The following CLYBL variants were observed in gnomAD, a reference collection of about 807,000 sequenced individuals.
CLYBL encodes citramalyl-CoA lyase, mitochondrial.
A neutral mutation model predicts 38.9 loss-of-function variants in CLYBL; 31 were observed. The ratio of observed to expected loss-of-function variants is 0.80; its 90% CI spans 0.60 to 1.08. The LOEUF (loss-of-function observed/expected upper bound fraction) is 1.08, where lower values mean the gene tolerates loss of function less well. Among genes scored for constraint, CLYBL ranks in the 50% least tolerant of loss-of-function variants. CLYBL has a pLI of 0.00. For synonymous variants in CLYBL, 171 were observed against 158.6 expected (o/e 1.08, Z -0.59); for missense variants, 434 against 411.6 (o/e 1.05, Z -0.47).
At chr13:99,814,709 C>T (rs1193893021) in intron 2 of CLYBL, among the ~76,000 whole-genome samples, 1 of 135,254 alleles carries the variant, frequency 7.4e-6, no homozygotes. Flanking sequence ...GACTGGGCAA[C>T]AGAACAAGAC....
intron 2 of CLYBL, among the ~76,000 whole-genome samples, chr13:99,837,970 G>C (rs2050978485): frequency 6.6e-6 from 1 of 152,076 alleles, no homozygotes; most frequent in African/African-American, 2.4e-5. Context: ...TGATATCTCT[G>C]GTTTTCCCTC....
intron 7 of CLYBL, among the ~76,000 whole-genome samples, chr13:99,879,856 G>GT (rs2052149430): frequency 1.3e-5 from 2 of 151,996 alleles, no homozygotes; most frequent in Admixed American, 1.3e-4. Flanking sequence ...AGCAATACCA[G>GT]TAGCAATGGT....
At chr13:99,750,332 C>A (rs2048931653) in intron 1 of CLYBL, among the ~76,000 whole-genome samples, 1 of 152,116 alleles carries the variant, frequency 6.6e-6, no homozygotes, top group Admixed American at 6.6e-5. Context: ...CCCTTAGAGT[C>A]AAAATCTCTT....
At chr13:99,782,546 G>T (rs1466743844) in intron 2 of CLYBL, among the ~76,000 whole-genome samples, 1 of 152,004 alleles carries the variant, frequency 6.6e-6, no homozygotes, top group African/African-American at 2.4e-5. Flanking sequence ...TCAAAGGATG[G>T]GTACCTTGTT....
chr13:99,802,739 G>A (rs2050159768), intron 2 of CLYBL, among the ~76,000 whole-genome samples: 1 of 152,140 alleles, frequency 6.6e-6, no homozygotes, highest in Non-Finnish European at 1.5e-5. Context: ...CTGCTTGTGT[G>A]GTCTTCCCTC....
intron 2 of CLYBL, among the ~76,000 whole-genome samples, chr13:99,791,545 G>T (rs2049918217): frequency 6.6e-6 from 1 of 152,068 alleles, no homozygotes; most frequent in South Asian, 2.1e-4. Flanking sequence ...ATAACATTTT[G>T]TCCTAACAAT....
chr13:99,634,844 C>T (rs767037745), intron 1 of CLYBL, among the ~76,000 whole-genome samples: 20 of 152,146 alleles, frequency 1.3e-4, no homozygotes, highest in African/African-American at 4.6e-4. Flanking sequence ...CACTGTGTCA[C>T]GTGACAAAGG....
At chr13:99,653,901 A>G (rs994194177) in intron 1 of CLYBL, among the ~76,000 whole-genome samples, 1 of 152,186 alleles carries the variant, frequency 6.6e-6, no homozygotes, top group Non-Finnish European at 1.5e-5. Flanking sequence ...TTTGGGTGTT[A>G]TGGCCAAAAG....
intron 1 of CLYBL, among the ~76,000 whole-genome samples, chr13:99,749,377 G>T (rs1488032325): frequency 6.6e-6 from 1 of 152,060 alleles, no homozygotes; most frequent in Non-Finnish European, 1.5e-5. Context: ...TCCTTTATCT[G>T]ATGTCCAACC....
At chr13:99,646,559 GC>G (rs113846291) in intron 1 of CLYBL, among the ~76,000 whole-genome samples, 22,311 of 146,792 alleles carry the variant, frequency 0.15, 1,826 homozygotes, top group African/African-American at 0.17. Flanking sequence ...TGGCACCCCG[GC>G]TGGAGTGCAG....
chr13:99,846,009 C>A (rs1394784701), intron 2 of CLYBL, among the ~76,000 whole-genome samples: 1 of 150,440 alleles, frequency 6.6e-6, no homozygotes, highest in African/African-American at 2.4e-5. Context: ...TTATAGTTTT[C>A]TTTGGGAAAT....
At chr13:99,885,147 T>C (rs766577508) in intron 7 of CLYBL, 2 of 518,146 alleles carry the variant, frequency 3.9e-6, no homozygotes, top group South Asian at 1.4e-5. Flanking sequence ...CCTCACAGTG[T>C]TGTGAAAGAC....
chr13:99,642,431 T>TTAC (rs1436600121), intron 1 of CLYBL, among the ~76,000 whole-genome samples: 1 of 152,064 alleles, frequency 6.6e-6, no homozygotes, highest in East Asian at 1.9e-4. Flanking sequence ...ATTATTATTA[T>TTAC]TGAGACAGGA....
chr13:99,630,429 CTATT>C (rs574042720), intron 1 of CLYBL, among the ~76,000 whole-genome samples: 1 of 152,204 alleles, frequency 6.6e-6, no homozygotes, highest in South Asian at 2.1e-4. Flanking sequence ...AAAAACATGA[CTATT>C]TATAACACAG....
At chr13:99,747,490 C>A (rs2048874417) in intron 1 of CLYBL, among the ~76,000 whole-genome samples, 1 of 152,116 alleles carries the variant, frequency 6.6e-6, no homozygotes. Flanking sequence ...TGCCCATGTG[C>A]TGTGAGGTGG....
chr13:99,621,009 G>A (rs936547739), intron 1 of CLYBL, among the ~76,000 whole-genome samples: 1 of 152,126 alleles, frequency 6.6e-6, no homozygotes, highest in Non-Finnish European at 1.5e-5. Context: ...CAAGCTGTGC[G>A]TTTGAATCAT....
At chr13:99,764,001 T>C (rs1326856980) in intron 1 of CLYBL, among the ~76,000 whole-genome samples, 1 of 152,048 alleles carries the variant, frequency 6.6e-6, no homozygotes, top group Non-Finnish European at 1.5e-5. Flanking sequence ...GCTGGCCTCA[T>C]AGAATTAGCT....
rs546467667 is a variant in CLYBL, at chr13:99,761,602, A to G, written c.63-11222A>G. Among the ~76,000 whole-genome samples, 6 of 152,328 alleles carry G rather than the reference A, an allele frequency of 3.9e-5. No individual in the cohort carries two copies. The East Asian group carries it at 1.2e-3, about 29-fold the overall frequency. On this transcript the variant is annotated intron_variant, in intron 1 of 8. Transcript: ENST00000339105. ...CTTTGATTGGTTCCATATTTTGGCT[A>G]TTATGAATAGGGTAGCAGTGAACAT...
chr13:99,660,321 C>T (rs1594106219), intron 1 of CLYBL, among the ~76,000 whole-genome samples: 1 of 152,168 alleles, frequency 6.6e-6, no homozygotes, highest in East Asian at 1.9e-4. Context: ...AATATTATTC[C>T]TCTGTCGGTC....
Sources: gnomAD v4.1 joint callset for allele counts (sites outside exome capture counted in the v4.1 genomes callset) on GRCh38, gnomAD v4.1.1 for gene constraint, MANE v1.5 for transcripts, NCBI Gene and HGNC (gene_info 2026-07-23, HGNC 2026-07-21) for gene names.